The following AFAP1 variants were observed in gnomAD, a reference collection of about 807,000 sequenced individuals.
AFAP1 encodes the protein actin filament-associated protein 1.
Under a neutral mutation model 93.9 loss-of-function variants are expected in AFAP1, and 75 were observed. The observed-to-expected ratio is 0.80, with a 90% CI of 0.66 to 0.97. The LOEUF (loss-of-function observed/expected upper bound fraction) is 0.97. AFAP1 is among the 50% of genes least tolerant of loss of function. AFAP1 has a pLI of 0.00. For synonymous variants in AFAP1, 517 were observed against 430.7 expected, an observed-to-expected ratio of 1.20 and a Z score of -2.48; for missense variants, 1,201 against 1,050.8, an observed-to-expected ratio of 1.14 and a Z score of -1.98.
rs41264705 is a variant in AFAP1, at chr4:7,778,855, C to T, written c.1804G>A (p.Val602Met). 422,042 of 1,612,460 alleles carry T rather than the reference C, an allele frequency of 0.26. 60,560 individuals carry two copies. Among genetic ancestry groups the T allele is most frequent in the Non-Finnish European group, 0.3 (354,229 of 1,178,672 alleles). ...TTTCCTGTGACCCCATTAGACGCCA[C>T]GGGGGGCTTTTTACCCTTGAGCTGT... ...NSQLKGKKPPVASNGVTGKGK... is the reference protein window; with the variant it reads ...NSQLKGKKPPMASNGVTGKGK... The change falls in exon 14 of 18, where the codon GTG (valine) becomes ATG (methionine). Residue 602 changes from valine (V) to methionine (M), a missense_variant. Physicochemically the swap from Val to Met is conservative, Grantham distance 21. Coordinates refer to ENST00000420658, the MANE Select transcript of AFAP1 (RefSeq NM_001134647.2).
chr4:7,871,651 C>T (rs989709486), intron 2 of AFAP1, among the ~76,000 whole-genome samples: 7 of 152,166 alleles, frequency 4.6e-5, no homozygotes, highest in Non-Finnish European at 1.0e-4. Flanking sequence ...GTCCTGCACA[C>T]GAGGAAGAAC....
At position 7,793,753 on chromosome 4, in the gene AFAP1, T is replaced by A; in HGVS notation, c.1340A>T (p.Glu447Val). 6.3e-7 allele frequency: 1 copy of A among 1,579,186 alleles called. No individual in the cohort carries two copies. Among genetic ancestry groups the A allele is most frequent in the Non-Finnish European group, 8.7e-7 (1 of 1,152,740 alleles). Residue 447 changes from glutamate (E) to valine (V), a missense_variant, in exon 11 of 18, where the codon GAG (glutamate) becomes GTG (valine). Physicochemically the swap from Glu to Val is moderately radical, Grantham distance 121. Coordinates refer to ENST00000420658, the MANE Select transcript of AFAP1 (RefSeq NM_001134647.2). ...ATCAATGTAGTCATAGTGCAGAGCC[T>A]CCGGGTCTGTGGACGATCCCGTCTC... ...LAETGSSTDPEALHYDYIDVE... is the reference protein window; with the variant it reads ...LAETGSSTDPVALHYDYIDVE...
intron 3 of AFAP1, among the ~76,000 whole-genome samples, chr4:7,864,626 GCTC>G (rs1396219622): frequency 3.3e-5 from 5 of 152,146 alleles, no homozygotes; most frequent in Non-Finnish European, 7.3e-5. Context: ...AGGGCAACAG[GCTC>G]CTCCCTGGGG....
intron 12 of AFAP1, among the ~76,000 whole-genome samples, chr4:7,782,499 T>C (rs1420695821): frequency 1.3e-5 from 2 of 152,256 alleles, no homozygotes; most frequent in African/African-American, 4.8e-5. Context: ...ATAATGGTTT[T>C]ATTTTAGCAG....
At chr4:7,869,446 T>TATCTTC (rs1011188670) in intron 2 of AFAP1, among the ~76,000 whole-genome samples, 3 of 152,212 alleles carry the variant, frequency 2.0e-5, no homozygotes, top group Non-Finnish European at 4.4e-5. Context: ...TTTTATTAAG[T>TATCTTC]ATCTTCTTAA....
At chr4:7,851,826 GGTT>G (rs1358450108) in intron 4 of AFAP1, among the ~76,000 whole-genome samples, 1 of 152,176 alleles carries the variant, frequency 6.6e-6, no homozygotes, top group Non-Finnish European at 1.5e-5. Flanking sequence ...CCTAATGGCA[GGTT>G]GTTATCACTG....
At chr4:7,874,529 AATTTTTTTTTTTTT>A (rs1717363412) in intron 1 of AFAP1, among the ~76,000 whole-genome samples, 1 of 71,256 alleles carries the variant, frequency 1.4e-5, no homozygotes, top group African/African-American at 5.2e-5. Context: ...ATGCCCAGCT[AATTTTTTTTTTTTT>A]TTTTTTTTTT....
intron 11 of AFAP1, among the ~76,000 whole-genome samples, chr4:7,790,781 G>A (rs1455081360): frequency 6.6e-6 from 1 of 152,170 alleles, no homozygotes; most frequent in Admixed American, 6.5e-5. Context: ...AGTATAAACA[G>A]AACGGTAAGT....
intron 16 of AFAP1, 200 bp downstream of exon 16, chr4:7,772,620 G>A: frequency 1.7e-6 from 1 of 572,010 alleles, no homozygotes; most frequent in Non-Finnish European, 3.1e-6. Context: ...ATTTCAGCGA[G>A]AGGTGAGAAA....
In AFAP1 at chr4:7,882,600, C is replaced by T. The variant is rs531360223; in HGVS notation, c.-2-10520G>A. Among the ~76,000 whole-genome samples, 7 of 152,324 alleles carry T rather than the reference C, an allele frequency of 4.6e-5. No individual in the cohort carries two copies. The South Asian group carries it at 1.2e-3, about 27-fold the overall frequency. On this transcript the variant is annotated intron_variant, in intron 1 of 17. Transcript: ENST00000420658. ...TGCAGGGTGGGTGCGGTGGCTCACACCTGTCATCTCAGCACTTTGGAAGGC... is the reference window on the plus strand; with the variant it reads ...TGCAGGGTGGGTGCGGTGGCTCACATCTGTCATCTCAGCACTTTGGAAGGC...
At chr4:7,826,860 T>C (rs1310182952) in intron 6 of AFAP1, among the ~76,000 whole-genome samples, 2 of 152,096 alleles carry the variant, frequency 1.3e-5, no homozygotes, top group Non-Finnish European at 2.9e-5. Flanking sequence ...GCTGTTCTTC[T>C]ACACAAAACG....
chr4:7,920,534 A>AT (rs1445524971), intron 1 of AFAP1, among the ~76,000 whole-genome samples: 3 of 152,234 alleles, frequency 2.0e-5, no homozygotes, highest in African/African-American at 7.2e-5. Flanking sequence ...AGGAAAGATA[A>AT]TTATCAAGGA....
intron 14 of AFAP1, chr4:7,776,012 AT>A (rs1156837125): frequency 6.6e-6 from 1 of 152,208 alleles, no homozygotes; most frequent in Non-Finnish European, 1.5e-5. Flanking sequence ...AATAACAGTA[AT>A]TTAGGACAAC....
At chr4:7,769,673 A>C (rs887052344) in intron 16 of AFAP1, among the ~76,000 whole-genome samples, 1 of 152,188 alleles carries the variant, frequency 6.6e-6, no homozygotes, top group African/African-American at 2.4e-5. Flanking sequence ...CAGTCTGCTG[A>C]GCCTTCTCTC....
At chr4:7,903,488 G>C (rs938118344) in intron 1 of AFAP1, among the ~76,000 whole-genome samples, 8 of 152,272 alleles carry the variant, frequency 5.3e-5, no homozygotes, top group African/African-American at 1.9e-4. Flanking sequence ...AAGATCAGCC[G>C]ACCAACACGG....
At position 7,888,949 on chromosome 4, in the gene AFAP1, C is replaced by A. The variant is rs529774238; in HGVS notation, c.-2-16869G>T. Among the ~76,000 whole-genome samples the A allele has an allele frequency of 2.0e-5, 3 of 151,992 alleles. No individual in the cohort carries two copies. The South Asian group carries it at 6.2e-4, about 32-fold the overall frequency. ...GGGATTACAGGTGCCCACCACCACC[C>A]CCATCTAATGTTTGTATTTTTTAGT... On this transcript the variant is annotated intron_variant, in intron 1 of 17. Transcript: ENST00000420658.
intron 3 of AFAP1, among the ~76,000 whole-genome samples, chr4:7,856,045 G>A (rs1715018315): frequency 1.3e-5 from 2 of 152,146 alleles, no homozygotes; most frequent in African/African-American, 4.8e-5. Context: ...ATGCTCAGGC[G>A]CACCCAGCAC....
intron 3 of AFAP1, among the ~76,000 whole-genome samples, chr4:7,860,942 CGTGGCT>C (rs1715611719): frequency 1.3e-5 from 2 of 152,174 alleles, no homozygotes. Context: ...CGCCTCGCCT[CGTGGCT>C]GGCACTCCGC....
chr4:7,891,848 C>A (rs530202117), intron 1 of AFAP1, among the ~76,000 whole-genome samples: 2 of 148,786 alleles, frequency 1.3e-5, no homozygotes, highest in Admixed American at 1.4e-4. Context: ...CAGGAGTTCA[C>A]AAGACCAGCG....
Sources: gnomAD v4.1 joint callset for allele counts (sites outside exome capture counted in the v4.1 genomes callset) on GRCh38, gnomAD v4.1.1 for gene constraint, MANE v1.5 for transcripts, NCBI Gene and HGNC (gene_info 2026-07-23, HGNC 2026-07-21) for gene names.